The following ITGAE variants were observed in gnomAD, a reference collection of about 807,000 sequenced individuals.
ITGAE encodes the protein integrin subunit alpha E.
Under a neutral mutation model 136.5 loss-of-function variants are expected in ITGAE, and 99 were observed. The ratio of observed to expected loss-of-function variants is 0.73; its 90% CI spans 0.62 to 0.86. The LOEUF (loss-of-function observed/expected upper bound fraction) is 0.86. Ranked by LOEUF, ITGAE falls within the 40% of genes least tolerant of loss-of-function variation. The pLI is 0.00. For synonymous variants in ITGAE, 613 were observed against 591.8 expected (o/e 1.04, Z -0.52); for missense variants, 1,447 against 1,515.3 (o/e 0.95, Z 0.75).
chr17:3,739,271 TTCATCTCA>T (rs145287996), intron 20 of ITGAE, among the ~76,000 whole-genome samples: 2,368 of 152,336 alleles, frequency 0.016, 53 homozygotes, highest in African/African-American at 0.054. Context: ...GTCTTCAACG[TTCATCTCA>T]TCAACATGGA....
chr17:3,724,291 G>T, intron 26 of ITGAE: 1 of 1,587,138 alleles, frequency 6.3e-7, no homozygotes, highest in Non-Finnish European at 8.5e-7. Flanking sequence ...CTGGGGCTGC[G>T]AGCTCGGCCC....
At position 3,723,760 on chromosome 17, in the gene ITGAE, T is replaced by A. The variant is rs369799915; in HGVS notation, c.3085-16A>T. On this transcript the variant is annotated splice_polypyrimidine_tract_variant and intron_variant, in intron 26 of 30. Transcript: ENST00000263087. The stretch of plus-strand genomic sequence containing the variant: ...CCGTGGAGGCCTGAAACGAGAGCCA[T>A]GACCGCGACGCGCTGAACAAACCAA... The A allele has an allele frequency of 2.1e-5, 34 of 1,606,172 alleles. No homozygotes were observed. The highest frequency in any genetic ancestry group is 8.5e-5 in the Admixed American group (5 of 58,658).
intron 20 of ITGAE, among the ~76,000 whole-genome samples, chr17:3,738,616 G>A (rs2051514646): frequency 6.6e-6 from 1 of 152,218 alleles, no homozygotes; most frequent in African/African-American, 2.4e-5. Flanking sequence ...CCAGCCACAG[G>A]CGGCCACTGA....
intron 22 of ITGAE, 133 bp from the exon 23 acceptor site, chr17:3,731,316 G>A: frequency 3.4e-6 from 2 of 591,938 alleles, no homozygotes; most frequent in Non-Finnish European, 6.0e-6. Flanking sequence ...TTCTAACACA[G>A]CATGTTTCCT....
chr17:3,771,346 G>T (rs143390096), intron 2 of ITGAE, among the ~76,000 whole-genome samples: 1 of 152,148 alleles, frequency 6.6e-6, no homozygotes, highest in East Asian at 1.9e-4. Context: ...ACCAGGCGAG[G>T]CTAATCCACG....
At position 3,798,684 on chromosome 17, in the gene ITGAE, C is replaced by T. The variant is rs920476355; in HGVS notation, c.34+2427G>A. 2.0e-5 allele frequency among the ~76,000 whole-genome samples: 3 copies of T among 152,070 alleles called. No individual in the cohort carries two copies. Among genetic ancestry groups the T allele is most frequent in the African/African-American group, 7.3e-5 (3 of 41,314 alleles). The stretch of plus-strand genomic sequence containing the variant: ...AGAGCGGGCCCTGGACTTCTGGTTC[C>T]TTCTTCTTCACCCCTGTAAGGTGTT... On this transcript the variant is annotated intron_variant, in intron 1 of 30. Transcript: ENST00000263087. The surrounding 1 kb of genome is among the most constrained non-coding windows in gnomAD (Gnocchi z 4.3).
chr17:3,735,055 A>G, intron 20 of ITGAE, 106 bp from the exon 21 acceptor site: 1 of 1,256,998 alleles, frequency 8.0e-7, no homozygotes, highest in Non-Finnish European at 1.1e-6. Flanking sequence ...CTGTGGTGCA[A>G]TGATCACGGC....
rs571711580 is a variant in ITGAE, at chr17:3,756,611, G to A, written c.1171+373C>T. Among the ~76,000 whole-genome samples, 34 of 152,146 alleles carry A rather than the reference G, an allele frequency of 2.2e-4. 1 individual carries two copies. Among genetic ancestry groups the A allele is most frequent in the Admixed American group, 2.2e-3 (33 of 15,276 alleles). On this transcript the variant is annotated intron_variant, in intron 10 of 30. Coordinates refer to ENST00000263087, the MANE Select transcript of ITGAE (RefSeq NM_002208.5). ...GTAGAAACAGGATTTCACCATGTTG[G>A]CCAGGCTGGTCTTGAACTCCAGACC... is the stretch of plus-strand genomic sequence containing the variant.
At chr17:3,775,919 T>C (rs991881924) in intron 2 of ITGAE, among the ~76,000 whole-genome samples, 2 of 152,166 alleles carry the variant, frequency 1.3e-5, no homozygotes, top group Admixed American at 6.6e-5. Context: ...CACACGTCCC[T>C]GTTTCACCGC....
intron 9 of ITGAE, 27 bp from the exon 10 acceptor site, chr17:3,757,161 T>G (rs551953930): frequency 1.2e-6 from 2 of 1,610,220 alleles, no homozygotes; most frequent in African/African-American, 2.7e-5. Flanking sequence ...GGTCAGCGAG[T>G]CAGCGCTGCG....
rs926814592 is a variant in ITGAE at position 3,799,366 on chromosome 17, C to T, written c.34+1745G>A. Among the ~76,000 whole-genome samples, 4 of 152,208 alleles carry T rather than the reference C, an allele frequency of 2.6e-5. No individual in the cohort carries two copies. The highest frequency in any genetic ancestry group is 2.0e-4 in the Admixed American group (3 of 15,284). On this transcript the variant is annotated intron_variant, in intron 1 of 30. Coordinates refer to ENST00000263087, the MANE Select transcript of ITGAE (RefSeq NM_002208.5). This position sits in a 1 kb window ranked among gnomAD's most constrained non-coding sequence, Gnocchi z 4.1. ...GCTAAGTGGTCTCATGGCAAGTCTG[C>T]TCCATCATCGCTCTCTGCTGCCCAT...
intron 20 of ITGAE, among the ~76,000 whole-genome samples, chr17:3,738,064 G>A (rs962886559): frequency 6.6e-6 from 1 of 152,166 alleles, no homozygotes; most frequent in Non-Finnish European, 1.5e-5. Flanking sequence ...CAGGACTTGG[G>A]GAACTGCGTT....
intron 2 of ITGAE, 67 bp downstream of exon 2, chr17:3,777,472 TG>T (rs2052570767): frequency 5.2e-6 from 8 of 1,537,048 alleles, no homozygotes; most frequent in Non-Finnish European, 5.3e-6. Context: ...TGGCCGTCTC[TG>T]GGGCCCATCT....
At chr17:3,750,256 C>A in intron 16 of ITGAE, 96 bp downstream of exon 16, 1 of 1,512,218 alleles carries the variant, frequency 6.6e-7, no homozygotes, top group Non-Finnish European at 8.9e-7. Context: ...GTGCTGGCTC[C>A]CTCCCTCAGT....
chr17:3,747,096 C>A (rs1251420953), intron 17 of ITGAE, among the ~76,000 whole-genome samples: 3 of 152,218 alleles, frequency 2.0e-5, no homozygotes, highest in Non-Finnish European at 4.4e-5. Context: ...CTGTGAAAGC[C>A]ATGCCCACCA....
intron 1 of ITGAE, among the ~76,000 whole-genome samples, chr17:3,786,528 C>A (rs1472862188): frequency 6.6e-6 from 1 of 152,092 alleles, no homozygotes; most frequent in African/African-American, 2.4e-5. Context: ...ATTGAAACAA[C>A]CGTCTCTCTC....
At chr17:3,744,009 C>CTT (rs566973351) in intron 18 of ITGAE, among the ~76,000 whole-genome samples, 1 of 139,368 alleles carries the variant, frequency 7.2e-6, no homozygotes. Context: ...GGCCTCTTTT[C>CTT]TTTTTTTTTT....
rs769936624 is a variant in ITGAE, at chr17:3,724,708, A to G, written c.3085-964T>C. On this transcript the variant is annotated intron_variant, in intron 26 of 30. Transcript: ENST00000263087. ...AACTCAGGAACCCCTGAGGATTCTG[A>G]GTTTCGGGCAGATGGGAAGAATATG... 3 of 1,614,198 alleles carry G rather than the reference A, an allele frequency of 1.9e-6. No individual in the cohort carries two copies. In the African/African-American group the frequency reaches 4.0e-5, roughly 22 times the overall value.
chr17:3,730,183 C>T (rs957442244), intron 23 of ITGAE, among the ~76,000 whole-genome samples: 9 of 151,920 alleles, frequency 5.9e-5, no homozygotes, highest in African/African-American at 1.9e-4. Context: ...AGGCTGGGCG[C>T]GGTGGCTCAT....
Sources: gnomAD v4.1 joint callset for allele counts (sites outside exome capture counted in the v4.1 genomes callset) on GRCh38, gnomAD v4.1.1 for gene constraint, Gnocchi (gnomAD v3.1) non-coding constraint, MANE v1.5 for transcripts, NCBI Gene and HGNC (gene_info 2026-07-23, HGNC 2026-07-21) for gene names.